The following ANO2 variants were observed in gnomAD, a reference collection of about 807,000 sequenced individuals.
ANO2 encodes the protein anoctamin-2.
Under a neutral mutation model 124.2 loss-of-function variants are expected in ANO2, and 101 were observed. That is an observed-to-expected ratio of 0.81 (90% CI 0.69 to 0.96). ANO2 has a LOEUF of 0.96. Ranked by LOEUF, ANO2 falls within the 40% of genes least tolerant of loss-of-function variation. The pLI is 0.00. For synonymous variants in ANO2, 486 were observed against 482.5 expected (o/e 1.01, Z -0.09); for missense variants, 1,293 against 1,274.5 (o/e 1.01, Z -0.22).
intron 3 of ANO2, among the ~76,000 whole-genome samples, chr12:5,879,011 C>T (rs573076947): frequency 4.6e-5 from 7 of 152,182 alleles, no homozygotes; most frequent in East Asian, 1.9e-4. Flanking sequence ...AAAAGTGGGA[C>T]AGTTGGTGCG....
At chr12:5,855,629 G>A (rs896060845) in intron 3 of ANO2, among the ~76,000 whole-genome samples, 2 of 152,204 alleles carry the variant, frequency 1.3e-5, no homozygotes, top group African/African-American at 4.8e-5. Flanking sequence ...TATTGACTGT[G>A]TATTATGCGC....
chr12:5,838,724 C>T (rs138551024), intron 4 of ANO2, among the ~76,000 whole-genome samples: 44 of 152,280 alleles, frequency 2.9e-4, no homozygotes, highest in African/African-American at 9.4e-4. Context: ...GATGAATACC[C>T]GCCTCATAAA....
At chr12:5,854,931 T>C (rs2137256278) in intron 3 of ANO2, among the ~76,000 whole-genome samples, 1 of 72,874 alleles carries the variant, frequency 1.4e-5, no homozygotes, top group Admixed American at 2.1e-4. Context: ...CAAATAAACA[T>C]TCACTTTTTT....
intron 10 of ANO2, among the ~76,000 whole-genome samples, chr12:5,770,320 G>T (rs1038048912): frequency 6.6e-6 from 1 of 152,100 alleles, no homozygotes. Flanking sequence ...CCAATCTCAT[G>T]AACCCACCAG....
chr12:5,929,159 C>G (rs371417302), intron 1 of ANO2, among the ~76,000 whole-genome samples: 1 of 120,570 alleles, frequency 8.3e-6, no homozygotes, highest in African/African-American at 3.6e-5. Flanking sequence ...TAGTCACTTT[C>G]TTACCAGTCT....
At chr12:5,735,553 C>T (rs1202802899) in intron 13 of ANO2, among the ~76,000 whole-genome samples, 2 of 152,250 alleles carry the variant, frequency 1.3e-5, no homozygotes, top group East Asian at 3.9e-4. Flanking sequence ...TAAACCAGCA[C>T]ACGAATGAGA....
chr12:5,616,960 A>AGTGC (rs1491377509), intron 16 of ANO2, among the ~76,000 whole-genome samples: 1 of 121,446 alleles, frequency 8.2e-6, no homozygotes, highest in Non-Finnish European at 1.8e-5. Context: ...TCACACCATA[A>AGTGC]CACACTCTCC....
chr12:5,916,175 G>A (rs1362689094), intron 3 of ANO2, among the ~76,000 whole-genome samples: 4 of 152,134 alleles, frequency 2.6e-5, no homozygotes, highest in Non-Finnish European at 5.9e-5. Context: ...TACTCAGGAG[G>A]CTGAGGCAGG....
chr12:5,580,617 G>C (rs1942689328), intron 20 of ANO2, among the ~76,000 whole-genome samples: 1 of 152,154 alleles, frequency 6.6e-6, no homozygotes, highest in African/African-American at 2.4e-5. Flanking sequence ...CGTGAGTCTA[G>C]AATATTCAAA....
intron 7 of ANO2, among the ~76,000 whole-genome samples, chr12:5,808,511 C>T (rs1421058487): frequency 1.3e-5 from 2 of 152,094 alleles, no homozygotes; most frequent in Non-Finnish European, 2.9e-5. Context: ...CGAGGATCCA[C>T]ATTTAATCAT....
chr12:5,674,580 T>G (rs890976399), intron 14 of ANO2, among the ~76,000 whole-genome samples: 2 of 152,306 alleles, frequency 1.3e-5, no homozygotes, highest in East Asian at 3.9e-4. Context: ...CGTGGCCACC[T>G]CTTCTTAGAA....
chr12:5,753,249 G>A (rs1949977036), intron 10 of ANO2, among the ~76,000 whole-genome samples: 3 of 152,272 alleles, frequency 2.0e-5, no homozygotes, highest in Middle Eastern at 3.4e-3. Context: ...TGGGCTAGTG[G>A]GCTGGAGGGG....
At chr12:5,838,555 T>C (rs575889389) in intron 4 of ANO2, among the ~76,000 whole-genome samples, 2 of 152,240 alleles carry the variant, frequency 1.3e-5, no homozygotes, top group South Asian at 4.1e-4. Flanking sequence ...GCTTCCTGTC[T>C]CCGAGCTGTT....
At chr12:5,894,188 G>A (rs761122265) in intron 3 of ANO2, among the ~76,000 whole-genome samples, 3 of 152,108 alleles carry the variant, frequency 2.0e-5, no homozygotes, top group African/African-American at 7.2e-5. Context: ...ATTCTAACTG[G>A]TGTGAGATGG....
At chr12:5,733,753 C>T (rs974830540) in intron 13 of ANO2, among the ~76,000 whole-genome samples, 7 of 152,244 alleles carry the variant, frequency 4.6e-5, no homozygotes, top group African/African-American at 7.2e-5. Flanking sequence ...TCCGAGGGGA[C>T]GTCAGTCCCA....
intron 3 of ANO2, among the ~76,000 whole-genome samples, chr12:5,881,388 G>T (rs980367646): frequency 6.6e-6 from 1 of 152,110 alleles, no homozygotes; most frequent in Non-Finnish European, 1.5e-5. Flanking sequence ...CAGTATAGCT[G>T]CTGCCCCTGG....
At chr12:5,640,604 G>A (rs191980311) in intron 15 of ANO2, among the ~76,000 whole-genome samples, 1 of 152,158 alleles carries the variant, frequency 6.6e-6, no homozygotes. Context: ...CATTTATGCA[G>A]CCAACAGACA....
intron 7 of ANO2, 96 bp from the exon 8 acceptor site, chr12:5,807,464 C>CA (rs1953237137): frequency 3.8e-6 from 4 of 1,057,010 alleles, no homozygotes; most frequent in South Asian, 1.6e-5. Context: ...CATGCCCCCC[C>CA]AGTTGAGAAT....
chr12:5,671,106 G>C (rs139263302), intron 14 of ANO2, among the ~76,000 whole-genome samples: 2 of 152,288 alleles, frequency 1.3e-5, no homozygotes, highest in African/African-American at 4.8e-5. Context: ...GTAGAGGTTT[G>C]TGTCTACAAG....
Sources: gnomAD v4.1 joint callset for allele counts (sites outside exome capture counted in the v4.1 genomes callset) on GRCh38, gnomAD v4.1.1 for gene constraint, MANE v1.5 for transcripts, NCBI Gene and HGNC (gene_info 2026-07-23, HGNC 2026-07-21) for gene names.